DOCK1: variants seen among roughly 807,000 people sequenced by gnomAD.
DOCK1 encodes the protein dedicator of cytokinesis 1, also known as dedicator of cytokinesis protein 1.
A neutral mutation model predicts 262.7 loss-of-function variants in DOCK1; 138 were observed. The observed-to-expected ratio is 0.53, with a 90% CI of 0.46 to 0.61. The LOEUF is 0.61. Ranked by LOEUF, DOCK1 falls within the 20% of genes least tolerant of loss-of-function variation. DOCK1 has a pLI of 0.00. For missense variants in DOCK1, 1,908 were observed against 2,370.7 expected (o/e 0.80, Z 4.05); for synonymous variants, 866 against 867.4 (o/e 1.00, Z 0.03).
At chr10:127,019,870 G>A (rs1336983769) in intron 13 of DOCK1, among the ~76,000 whole-genome samples, 1 of 152,214 alleles carries the variant, frequency 6.6e-6, no homozygotes, top group Non-Finnish European at 1.5e-5. Flanking sequence ...TGGAAACGGG[G>A]ACAAACTCCC....
intron 16 of DOCK1, 126 bp from the exon 17 acceptor site, chr10:127,031,524 G>C: frequency 3.0e-6 from 2 of 674,072 alleles, no homozygotes; most frequent in East Asian, 5.7e-5. Context: ...TATTAGATTA[G>C]CTTTAATACC....
intron 12 of DOCK1, among the ~76,000 whole-genome samples, chr10:127,017,861 G>A (rs2135399092): frequency 6.6e-6 from 1 of 152,328 alleles, no homozygotes; most frequent in Non-Finnish European, 1.5e-5. Flanking sequence ...CCTTTGACTT[G>A]TTGGAATGTG....
intron 2 of DOCK1, among the ~76,000 whole-genome samples, chr10:126,976,203 C>A (rs1591506791): frequency 6.6e-6 from 1 of 152,204 alleles, no homozygotes; most frequent in East Asian, 1.9e-4. Context: ...TGATACTGGG[C>A]CAGCTTATCA....
chr10:126,931,080 T>G lies in DOCK1; in HGVS notation c.46+25517T>G, dbSNP rs1448702342. On this transcript the variant is annotated intron_variant, in intron 1 of 51. Transcript: ENST00000623213. ...GGAGTTGGGAATTCTCTTGGGCTAG[T>G]TGCTGCACGCCCACCGAGCCAGGTC... Among the ~76,000 whole-genome samples the G allele has an allele frequency of 3.3e-5, 5 of 152,052 alleles. No homozygotes were observed. The East Asian group carries it at 9.7e-4, about 29-fold the overall frequency.
chr10:126,995,467 C>T lies in DOCK1; in HGVS notation c.474-1281C>T, dbSNP rs1338924716. Among the ~76,000 whole-genome samples, 10 of 152,328 alleles carry T rather than the reference C, an allele frequency of 6.6e-5. No homozygotes were observed. In the South Asian group the frequency reaches 1.7e-3, roughly 25 times the overall value. On this transcript the variant is annotated intron_variant, in intron 6 of 51. Coordinates refer to ENST00000623213, the MANE Select transcript of DOCK1 (RefSeq NM_001290223.2). The surrounding 1 kb of genome is among the most constrained non-coding windows in gnomAD (Gnocchi z 5.8). ...CAGCCGGGCCAACCCGGTGAAACCC[C>T]GTCTCCATCAAAAAATACGAAAACC...
At chr10:127,253,874 C>CAAAAAAAAA (rs575042004) in intron 28 of DOCK1, among the ~76,000 whole-genome samples, 6 of 101,478 alleles carry the variant, frequency 5.9e-5, no homozygotes, top group South Asian at 5.0e-4. Context: ...GACCCTGTCT[C>CAAAAAAAAA]AAAAAAAAAA....
chr10:127,067,204 T>G (rs2045929801), intron 23 of DOCK1, among the ~76,000 whole-genome samples: 1 of 152,194 alleles, frequency 6.6e-6, no homozygotes, highest in Non-Finnish European at 1.5e-5. Flanking sequence ...GAGGAGACCT[T>G]GGCGATGGCC....
chr10:126,934,747 G>T (rs1295173135), intron 1 of DOCK1, among the ~76,000 whole-genome samples: 14 of 107,452 alleles, frequency 1.3e-4, no homozygotes, highest in East Asian at 3.1e-4. Context: ...GAATTTACGA[G>T]TTTTTTTTTT....
At chr10:127,183,356 C>A (rs994271095) in intron 27 of DOCK1, among the ~76,000 whole-genome samples, 2 of 152,138 alleles carry the variant, frequency 1.3e-5, no homozygotes, top group Non-Finnish European at 2.9e-5. Context: ...ACTCGACCAT[C>A]AGAATGGATC....
At chr10:127,278,160 A>G (rs149993883) in intron 29 of DOCK1, among the ~76,000 whole-genome samples, 14 of 152,250 alleles carry the variant, frequency 9.2e-5, no homozygotes, top group African/African-American at 3.4e-4. Flanking sequence ...TGTTAAACTA[A>G]AAAAGTATAT....
intron 1 of DOCK1, among the ~76,000 whole-genome samples, chr10:126,927,508 C>T (rs1332370849): frequency 6.6e-6 from 1 of 152,066 alleles, no homozygotes; most frequent in African/African-American, 2.4e-5. Flanking sequence ...GCCATCTCGG[C>T]TCACTGCAAC....
At position 127,229,816 on chromosome 10, in the gene DOCK1, C is replaced by T. The variant is rs139244319; in HGVS notation, c.2848-18192C>T. On this transcript the variant is annotated intron_variant, in intron 27 of 51. Transcript: ENST00000623213. ...TTCGAGGACCCTCCATTGTGCTTTC[C>T]GTAATGGCTGTTTACAAATTTACAC... is the stretch of plus-strand genomic sequence containing the variant. 6.3e-3 allele frequency among the ~76,000 whole-genome samples: 963 copies of T among 152,228 alleles called. 12 individuals carry two copies. Among genetic ancestry groups the T allele is most frequent in the African/African-American group, 0.022 (896 of 41,542 alleles).
intron 1 of DOCK1, among the ~76,000 whole-genome samples, chr10:126,930,389 A>G (rs1335085725): frequency 6.6e-6 from 1 of 152,200 alleles, no homozygotes; most frequent in Non-Finnish European, 1.5e-5. Flanking sequence ...CACAGCAGCA[A>G]AGGCTGGCTG....
intron 16 of DOCK1, among the ~76,000 whole-genome samples, chr10:127,030,069 A>G (rs758627586): frequency 2.0e-5 from 3 of 152,012 alleles, no homozygotes; most frequent in Non-Finnish European, 4.4e-5. Flanking sequence ...ATTTGCCAGG[A>G]TGTATTGAGC....
At chr10:127,036,908 C>T (rs943894793) in intron 18 of DOCK1, among the ~76,000 whole-genome samples, 5 of 144,386 alleles carry the variant, frequency 3.5e-5, no homozygotes, top group Admixed American at 2.2e-4. Context: ...ACCCAGGAGG[C>T]GGAGGTTGCA....
In DOCK1 at chr10:127,451,399, C is replaced by A; in HGVS notation, c.5633C>A (p.Ala1878Glu). 6.3e-7 allele frequency: 1 copy of A among 1,591,368 alleles called. No individual in the cohort carries two copies. The highest frequency in any genetic ancestry group is 8.6e-7 in the Non-Finnish European group (1 of 1,169,068). Reference sequence around the variant, plus strand: ...CCTCCAAAGACAACTCGCAAGCAGGCATCGGTGGACTCCGGGATCGTGCAG... The same window carrying A: ...CCTCCAAAGACAACTCGCAAGCAGGAATCGGTGGACTCCGGGATCGTGCAG... The part of the protein sequence containing the change: ...PPPPKTTRKQ[A>E]SVDSGIVQ Residue 1878 changes from alanine (A) to glutamate (E), a missense_variant, in exon 52 of 52, where the codon GCA (alanine) becomes GAA (glutamate). Ala to Glu is a moderately radical substitution (Grantham distance 107). This residue lies in a region of DOCK1 where 383 missense variants were observed against 420.1 expected (regional missense o/e 0.91). Coordinates refer to ENST00000623213, the MANE Select transcript of DOCK1 (RefSeq NM_001290223.2).
chr10:127,026,628 C>T, intron 16 of DOCK1: 1 of 592,062 alleles, frequency 1.7e-6, no homozygotes. Flanking sequence ...TTCTCCAGTT[C>T]CTCCTACCCA....
chr10:126,978,117 A>C (rs540282614), intron 3 of DOCK1, 129 bp downstream of exon 3: 1 of 865,644 alleles, frequency 1.2e-6, no homozygotes, highest in Non-Finnish European at 1.9e-6. Context: ...AAAAAAATAT[A>C]TGGGTAGGAA....
At position 127,171,646 on chromosome 10, in the gene DOCK1, T is replaced by G. The variant is rs1481776192; in HGVS notation, c.2847+43882T>G. On this transcript the variant is annotated intron_variant, in intron 27 of 51. Transcript: ENST00000623213. Reference sequence around the variant, plus strand: ...AACTGACTTTCCCCAGCTTCAAGAGTGTTCTCCAGCTCCTGATTTGTAGGC... The same window carrying G: ...AACTGACTTTCCCCAGCTTCAAGAGGGTTCTCCAGCTCCTGATTTGTAGGC... Among the ~76,000 whole-genome samples the G allele has an allele frequency of 3.9e-5, 6 of 152,254 alleles. No individual in the cohort carries two copies. In the South Asian group the frequency reaches 8.3e-4, roughly 21 times the overall value.
Sources: gnomAD v4.1 joint callset for allele counts (sites outside exome capture counted in the v4.1 genomes callset) on GRCh38, gnomAD v4.1.1 for gene constraint, gnomAD v4.1.1 regional missense constraint, Gnocchi (gnomAD v3.1) non-coding constraint, MANE v1.5 for transcripts, NCBI Gene and HGNC (gene_info 2026-07-23, HGNC 2026-07-21) for gene names.